SPAST: variants seen among roughly 807,000 people sequenced by gnomAD.
The protein encoded by SPAST is spastic paraplegia 4 (autosomal dominant; spastin).
A neutral mutation model predicts 76.6 loss-of-function variants in SPAST; 30 were observed. That is an observed-to-expected ratio of 0.39 (90% CI 0.29 to 0.53). The LOEUF (loss-of-function observed/expected upper bound fraction) is 0.53. SPAST is among the 20% of genes least tolerant of loss of function. SPAST has a pLI of 0.68. For synonymous variants in SPAST, 305 were observed against 281.0 expected, an observed-to-expected ratio of 1.09 and a Z score of -0.86; for missense variants, 717 against 770.5, an observed-to-expected ratio of 0.93 and a Z score of 0.82.
intron 1 of SPAST, among the ~76,000 whole-genome samples, chr2:32,080,429 G>GATAATGTAGTTACACTATTGGCTC (rs142661560): frequency 1.5e-5 from 1 of 65,500 alleles, no homozygotes; most frequent in African/African-American, 5.4e-5. Flanking sequence ...GCATGCATTA[G>GATAATGTAGTTACACTATTGGCTC]ATAATGTAGT....
chr2:32,101,993 T>G (rs1384893558), intron 4 of SPAST, among the ~76,000 whole-genome samples: 1 of 152,162 alleles, frequency 6.6e-6, no homozygotes, highest in Non-Finnish European at 1.5e-5. Context: ...TTAAAGTAGT[T>G]TTTTCCAATT....
In SPAST at chr2:32,076,010, C is replaced by T. The variant is rs548358031; in HGVS notation, c.416-11482C>T. 2.7e-3 allele frequency among the ~76,000 whole-genome samples: 408 copies of T among 148,672 alleles called. 1 individual carries two copies. Among genetic ancestry groups the T allele is most frequent in the Non-Finnish European group, 4.8e-3 (324 of 67,678 alleles). Reference sequence around the variant, plus strand: ...CTGCCTCCCAGGTTGAAGTGATTCTCCTGCCTCAGCCTCTCGAACAGCTGA... The same window carrying T: ...CTGCCTCCCAGGTTGAAGTGATTCTTCTGCCTCAGCCTCTCGAACAGCTGA... On this transcript the variant is annotated intron_variant, in intron 1 of 16. Coordinates refer to ENST00000315285, the MANE Select transcript of SPAST (RefSeq NM_014946.4).
intron 1 of SPAST, among the ~76,000 whole-genome samples, chr2:32,069,448 C>T (rs1254540132): frequency 6.6e-6 from 1 of 151,948 alleles, no homozygotes; most frequent in Non-Finnish European, 1.5e-5. Flanking sequence ...CAAATAGAAA[C>T]GAGTTGAATA....
intron 7 of SPAST, among the ~76,000 whole-genome samples, 169 bp downstream of exon 7, chr2:32,116,381 G>A (rs1258672820): frequency 1.3e-5 from 2 of 152,198 alleles, no homozygotes; most frequent in Admixed American, 6.6e-5. Flanking sequence ...ATGTTGAGAA[G>A]TTATTATAGA....
chr2:32,097,524 T>C (rs566865695), intron 3 of SPAST, among the ~76,000 whole-genome samples: 4 of 152,252 alleles, frequency 2.6e-5, no homozygotes, highest in African/African-American at 9.6e-5. Flanking sequence ...GTATTGTATA[T>C]ATATACAGTT....
intron 1 of SPAST, among the ~76,000 whole-genome samples, chr2:32,078,148 G>T (rs536687982): frequency 6.6e-6 from 1 of 151,778 alleles, no homozygotes; most frequent in African/African-American, 2.4e-5. Flanking sequence ...CCGCCACTAC[G>T]CCCGGCTAAT....
intron 4 of SPAST, among the ~76,000 whole-genome samples, chr2:32,109,723 ATATG>A (rs947765238): frequency 2.0e-5 from 3 of 149,058 alleles, no homozygotes; most frequent in African/African-American, 7.3e-5. Context: ...AAAAATAACT[ATATG>A]TATATATAAC....
chr2:32,117,396 G>C (rs1678875649), intron 7 of SPAST, among the ~76,000 whole-genome samples: 1 of 151,670 alleles, frequency 6.6e-6, no homozygotes, highest in African/African-American at 2.4e-5. Flanking sequence ...AAAGAGTGTG[G>C]TAAACTCCAT....
chr2:32,120,936 A>T (rs1000530555), intron 7 of SPAST, among the ~76,000 whole-genome samples: 1 of 152,098 alleles, frequency 6.6e-6, no homozygotes, highest in Non-Finnish European at 1.5e-5. Flanking sequence ...ATTTTCCATG[A>T]GTATTTTGAA....
chr2:32,156,625 T>C lies in SPAST; in HGVS notation c.*2129T>C, dbSNP rs1233391357. 1 of 142,414 alleles carries C rather than the reference T, an allele frequency of 7.0e-6. No homozygotes were observed. Among genetic ancestry groups the C allele is most frequent in the Non-Finnish European group, 1.5e-5 (1 of 66,036 alleles). 8.8% of individuals were successfully genotyped at this position (142,414 alleles called of 1,614,324 possible). A position where few individuals can be genotyped will look rare whatever the true frequency, so the allele number is the denominator to read the frequency against. On this transcript the variant is annotated 3_prime_UTR_variant, in exon 17 of 17. Coordinates refer to ENST00000315285, the MANE Select transcript of SPAST (RefSeq NM_014946.4). ...GAAGTTCTAAATTAAGACATTTCAG[T>C]TAAGCTCATAAAATTTCATTGTTTT...
intron 1 of SPAST, among the ~76,000 whole-genome samples, chr2:32,083,236 G>T (rs1375880276): frequency 1.3e-5 from 2 of 152,102 alleles, no homozygotes; most frequent in Non-Finnish European, 2.9e-5. Context: ...GATTACAGGT[G>T]TGAGCCACCA....
In SPAST at chr2:32,135,199, G is replaced by A. The variant is rs370128080; in HGVS notation, c.1246-1364G>A. On this transcript the variant is annotated intron_variant, in intron 9 of 16. Transcript: ENST00000315285. ...GGCTGGAGTGCAGTGGTACCATCTCGGCTCACTGCAAGCTCCACCTCCTGG... is the reference window on the plus strand; with the variant it reads ...GGCTGGAGTGCAGTGGTACCATCTCAGCTCACTGCAAGCTCCACCTCCTGG... Among the ~76,000 whole-genome samples, 39 of 150,404 alleles carry A rather than the reference G, an allele frequency of 2.6e-4. 1 individual carries two copies. In the East Asian group the frequency reaches 4.4e-3, roughly 17 times the overall value.
intron 9 of SPAST, among the ~76,000 whole-genome samples, chr2:32,132,799 G>A (rs1679413593): frequency 6.6e-6 from 1 of 152,108 alleles, no homozygotes; most frequent in South Asian, 2.1e-4. Context: ...AGGAGTTTGA[G>A]ACCAGCCTGA....
At chr2:32,100,886 G>T (rs1434970286) in intron 4 of SPAST, among the ~76,000 whole-genome samples, 1 of 152,182 alleles carries the variant, frequency 6.6e-6, no homozygotes, top group Admixed American at 6.5e-5. Flanking sequence ...TTGATTCCAA[G>T]TCTTTGCTAT....
At chr2:32,108,426 C>T (rs1441485766) in intron 4 of SPAST, among the ~76,000 whole-genome samples, 1 of 152,110 alleles carries the variant, frequency 6.6e-6, no homozygotes, top group Non-Finnish European at 1.5e-5. Context: ...CTCTTACTTT[C>T]TGTGATGGAA....
chr2:32,105,814 CT>C (rs1254417239), intron 4 of SPAST, among the ~76,000 whole-genome samples: 6 of 152,302 alleles, frequency 3.9e-5, no homozygotes, highest in African/African-American at 1.2e-4. Context: ...CTGATCCTTC[CT>C]CTGGAACCTT....
At chr2:32,098,696 C>A in intron 3 of SPAST, 100 bp from the exon 4 acceptor site, 1 of 770,442 alleles carries the variant, frequency 1.3e-6, no homozygotes. Context: ...AATCTGGTAA[C>A]ACCTTGAGTA....
At chr2:32,147,359 T>G (rs574634420) in intron 16 of SPAST, 101 bp downstream of exon 16, 7 of 731,660 alleles carry the variant, frequency 9.6e-6, no homozygotes, top group African/African-American at 3.8e-5. Flanking sequence ...TTTTTTTTTT[T>G]TTTTTTTTTT....
At chr2:32,083,763 TATATA>T (rs1677351573) in intron 1 of SPAST, among the ~76,000 whole-genome samples, 1 of 96,176 alleles carries the variant, frequency 1.0e-5, no homozygotes, top group African/African-American at 4.4e-5. Context: ...TATATATATA[TATATA>T]TATATATATT....
Sources: gnomAD v4.1 joint callset for allele counts (sites outside exome capture counted in the v4.1 genomes callset) on GRCh38, gnomAD v4.1.1 for gene constraint, MANE v1.5 for transcripts, NCBI Gene and HGNC (gene_info 2026-07-23, HGNC 2026-07-21) for gene names.